The following STX18 variants were observed in gnomAD, a reference collection of about 807,000 sequenced individuals.
STX18 encodes syntaxin-18.
A neutral mutation model predicts 50.1 loss-of-function variants in STX18; 40 were observed. That is an observed-to-expected ratio of 0.80 (90% CI 0.62 to 1.04). The LOEUF is 1.04. STX18 is among the 50% of genes least tolerant of loss of function. The probability of loss-of-function intolerance (pLI) is 0.00; values close to 1 mark genes in which losing one functional copy is unlikely to be tolerated. For missense variants in STX18, 410 were observed against 415.8 expected, an observed-to-expected ratio of 0.99 and a Z score of 0.12; for synonymous variants, 158 against 151.8, an observed-to-expected ratio of 1.04 and a Z score of -0.30.
chr4:4,457,065 G>C, intron 5 of STX18, 126 bp downstream of exon 5: 4 of 862,116 alleles, frequency 4.6e-6, no homozygotes, highest in Non-Finnish European at 7.2e-6. Context: ...GGTAGCGCCA[G>C]CTATGGCATT....
chr4:4,469,350 T>C (rs905481902), intron 2 of STX18, among the ~76,000 whole-genome samples: 1 of 152,220 alleles, frequency 6.6e-6, no homozygotes, highest in Non-Finnish European at 1.5e-5. Context: ...TAAACTATAC[T>C]ACCTGGCTCT....
chr4:4,454,675 A>G (rs1726973300), intron 5 of STX18, among the ~76,000 whole-genome samples: 1 of 152,046 alleles, frequency 6.6e-6, no homozygotes, highest in Admixed American at 6.6e-5. Flanking sequence ...TAATTCACAC[A>G]CCCAGATATT....
At chr4:4,512,960 T>C (rs1730069358) in intron 1 of STX18, among the ~76,000 whole-genome samples, 1 of 152,184 alleles carries the variant, frequency 6.6e-6, no homozygotes. Context: ...GTTTGTGGGC[T>C]GACAGAAAAC....
chr4:4,529,674 C>T (rs1443232042), intron 1 of STX18, among the ~76,000 whole-genome samples: 2 of 152,194 alleles, frequency 1.3e-5, no homozygotes, highest in African/African-American at 4.8e-5. Flanking sequence ...CGTGCCAGGA[C>T]TACTCATCTC....
intron 1 of STX18, among the ~76,000 whole-genome samples, chr4:4,540,352 G>T (rs1327824948): frequency 6.6e-6 from 1 of 152,154 alleles, no homozygotes; most frequent in Non-Finnish European, 1.5e-5. Context: ...AGCCCTTTAA[G>T]ATCTCCGCGT....
At chr4:4,497,667 A>C (rs576672930) in intron 1 of STX18, among the ~76,000 whole-genome samples, 1 of 152,338 alleles carries the variant, frequency 6.6e-6, no homozygotes, top group South Asian at 2.1e-4. Flanking sequence ...CAGCTAGTAC[A>C]TAGCAGAACT....
At chr4:4,460,691 T>C (rs1168122060) in intron 2 of STX18, among the ~76,000 whole-genome samples, 1 of 152,196 alleles carries the variant, frequency 6.6e-6, no homozygotes, top group Non-Finnish European at 1.5e-5. Flanking sequence ...TCAGTGGAAC[T>C]TGAAGAGTGA....
intron 2 of STX18, among the ~76,000 whole-genome samples, chr4:4,464,262 G>C (rs942326483): frequency 4.6e-5 from 7 of 152,178 alleles, no homozygotes; most frequent in Non-Finnish European, 1.0e-4. Context: ...GAAGAGACGA[G>C]ACAAGACACC....
chr4:4,474,482 T>G (rs1728076552), intron 1 of STX18, among the ~76,000 whole-genome samples: 1 of 152,218 alleles, frequency 6.6e-6, no homozygotes, highest in Admixed American at 6.5e-5. Context: ...CCCTGTAAGA[T>G]GTCCAACTCC....
chr4:4,526,427 C>G (rs1730761845), intron 1 of STX18, among the ~76,000 whole-genome samples: 1 of 152,120 alleles, frequency 6.6e-6, no homozygotes. Flanking sequence ...GGGAGAATGA[C>G]AGATGTAACT....
At chr4:4,502,599 T>C (rs1729507086) in intron 1 of STX18, among the ~76,000 whole-genome samples, 1 of 152,206 alleles carries the variant, frequency 6.6e-6, no homozygotes, top group Non-Finnish European at 1.5e-5. Flanking sequence ...GAGTTCTTAC[T>C]GGATGCCTTG....
chr4:4,503,732 T>C (rs1553848004), intron 1 of STX18, among the ~76,000 whole-genome samples: 1 of 152,068 alleles, frequency 6.6e-6, no homozygotes. Flanking sequence ...GAAATGGAAA[T>C]GTGAGTTCAA....
chr4:4,457,155 T>G, intron 5 of STX18, 36 bp downstream of exon 5: 1 of 1,564,176 alleles, frequency 6.4e-7, no homozygotes, highest in East Asian at 2.2e-5. Context: ...GTAGTACTAT[T>G]ATTAATTAAG....
At position 4,540,254 on chromosome 4, in the gene STX18, G is replaced by A. The variant is rs535497980; in HGVS notation, c.168+1543C>T. 1.7e-4 allele frequency among the ~76,000 whole-genome samples: 26 copies of A among 152,296 alleles called. No homozygotes were observed. In the South Asian group the frequency reaches 4.8e-3, roughly 28 times the overall value. On this transcript the variant is annotated intron_variant, in intron 1 of 10. Transcript: ENST00000306200. ...GTTGCAGGGTTCAGACAACAACCTC[G>A]TCTCTTGGCTCCTTCTCTGGTGCTT...
At chr4:4,483,933 C>T (rs1022894069) in intron 1 of STX18, among the ~76,000 whole-genome samples, 7 of 152,088 alleles carry the variant, frequency 4.6e-5, no homozygotes, top group Non-Finnish European at 1.0e-4. Flanking sequence ...ATGATCTCAG[C>T]TCACTGCAAC....
chr4:4,514,665 A>G (rs1730157205), intron 1 of STX18, among the ~76,000 whole-genome samples: 1 of 152,198 alleles, frequency 6.6e-6, no homozygotes, highest in African/African-American at 2.4e-5. Context: ...CTTACAATCC[A>G]GTGAAAGTGG....
chr4:4,456,821 C>G (rs913998186), intron 5 of STX18, among the ~76,000 whole-genome samples: 1 of 152,184 alleles, frequency 6.6e-6, no homozygotes, highest in African/African-American at 2.4e-5. Flanking sequence ...GATGTGCCAG[C>G]CTCATCGGGT....
intron 6 of STX18, among the ~76,000 whole-genome samples, chr4:4,435,081 T>C (rs1226839422): frequency 1.3e-5 from 2 of 152,132 alleles, no homozygotes; most frequent in Non-Finnish European, 2.9e-5. Context: ...GTGTGTGTGA[T>C]GGGGAGGGGG....
chr4:4,486,778 C>T (rs1477230632), intron 1 of STX18, among the ~76,000 whole-genome samples: 2 of 152,180 alleles, frequency 1.3e-5, no homozygotes, highest in Non-Finnish European at 2.9e-5. Flanking sequence ...ATTTGAGTTC[C>T]TCAAAATATC....
Sources: gnomAD v4.1 joint callset for allele counts (sites outside exome capture counted in the v4.1 genomes callset) on GRCh38, gnomAD v4.1.1 for gene constraint, MANE v1.5 for transcripts, NCBI Gene and HGNC (gene_info 2026-07-23, HGNC 2026-07-21) for gene names.